The following PTPRK variants were observed in gnomAD, a reference collection of about 807,000 sequenced individuals.
The protein encoded by PTPRK is receptor-type tyrosine-protein phosphatase kappa.
PTPRK carries 75 observed loss-of-function variants against 178.0 expected under a neutral mutation model. The observed-to-expected ratio is 0.42, with a 90% CI of 0.35 to 0.51. PTPRK has a LOEUF of 0.51. PTPRK is among the 20% of genes least tolerant of loss of function. The probability of loss-of-function intolerance (pLI) is 0.02; values close to 1 mark genes in which losing one functional copy is unlikely to be tolerated. For synonymous variants in PTPRK, 637 were observed against 620.6 expected, an observed-to-expected ratio of 1.03 and a Z score of -0.39; for missense variants, 1,441 against 1,797.8, an observed-to-expected ratio of 0.80 and a Z score of 3.59.
intron 1 of PTPRK, among the ~76,000 whole-genome samples, chr6:128,411,701 C>T (rs1339193): frequency 0.28 from 42,407 of 152,128 alleles, 11,671 homozygotes; most frequent in African/African-American, 0.71. Flanking sequence ...AAGCCAATAG[C>T]TATTTTTAAA....
chr6:128,183,149 G>C (rs1287148720), intron 7 of PTPRK, among the ~76,000 whole-genome samples: 2 of 152,104 alleles, frequency 1.3e-5, no homozygotes, highest in East Asian at 3.9e-4. Context: ...TTTTGGAATA[G>C]AGAGTGAACT....
At chr6:128,007,312 C>A (rs1007658234) in intron 14 of PTPRK, among the ~76,000 whole-genome samples, 14 of 150,658 alleles carry the variant, frequency 9.3e-5, no homozygotes, top group African/African-American at 3.4e-4. Context: ...AATAATGAAA[C>A]CTGGTCTATC....
At chr6:128,047,814 C>T (rs1262019730) in intron 13 of PTPRK, among the ~76,000 whole-genome samples, 1 of 151,840 alleles carries the variant, frequency 6.6e-6, no homozygotes, top group Non-Finnish European at 1.5e-5. Flanking sequence ...AACAGATTAC[C>T]TACTAGTAGT....
intron 1 of PTPRK, among the ~76,000 whole-genome samples, chr6:128,398,510 A>T (rs1260693141): frequency 6.6e-6 from 1 of 152,248 alleles, no homozygotes; most frequent in Non-Finnish European, 1.5e-5. Flanking sequence ...TTTAGTGGTG[A>T]GAAGTAGAGG....
intron 11 of PTPRK, among the ~76,000 whole-genome samples, chr6:128,074,615 G>A (rs1783441961): frequency 6.6e-6 from 1 of 152,016 alleles, no homozygotes; most frequent in Admixed American, 6.6e-5. Flanking sequence ...AAGTTGGTAA[G>A]GAGATTCAAA....
Position 128,397,680 on chromosome 6 carries a change from T to C in PTPRK, c.109A>G (p.Thr37Ala), listed in dbSNP as rs1300361619. The change falls in exon 2 of 30, where the codon ACT becomes GCT. Residue 37 changes from threonine (T) to alanine (A), a missense_variant. This residue lies in a region of PTPRK where 158 missense variants were observed against 188.0 expected (regional missense o/e 0.84). Coordinates refer to ENST00000368226, the MANE Select transcript of PTPRK (RefSeq NM_002844.4). ...CAGGCCCCTGGACCATCATCAAAAGTACAGCCACCTAGGAGAAAAGAAGAC... is the reference window on the plus strand; with the variant it reads ...CAGGCCCCTGGACCATCATCAAAAGCACAGCCACCTAGGAGAAAAGAAGAC... ...AQGQFSAGGC[T>A]FDDGPGACDY... The C allele has an allele frequency of 1.9e-6, 3 of 1,613,374 alleles. No individual in the cohort carries two copies. Among genetic ancestry groups the C allele is most frequent in the Non-Finnish European group, 2.5e-6 (3 of 1,179,396 alleles).
At chr6:128,406,190 C>T (rs1243613753) in intron 1 of PTPRK, among the ~76,000 whole-genome samples, 1 of 151,850 alleles carries the variant, frequency 6.6e-6, no homozygotes, top group Non-Finnish European at 1.5e-5. Context: ...GAGGTCAAGG[C>T]TGCAGTAAGC....
At chr6:128,296,748 C>T (rs940029935) in intron 3 of PTPRK, among the ~76,000 whole-genome samples, 28 of 152,170 alleles carry the variant, frequency 1.8e-4, no homozygotes, top group East Asian at 5.8e-4. Flanking sequence ...AAGGAACAAC[C>T]GGTACCAGCC....
At chr6:128,478,548 C>A (rs1004530825) in intron 1 of PTPRK, among the ~76,000 whole-genome samples, 1 of 152,032 alleles carries the variant, frequency 6.6e-6, no homozygotes, top group Non-Finnish European at 1.5e-5. Context: ...TAGGCACAGG[C>A]CATTTTGGAT....
intron 3 of PTPRK, among the ~76,000 whole-genome samples, chr6:128,298,062 C>G (rs1439248243): frequency 6.6e-6 from 1 of 151,950 alleles, no homozygotes; most frequent in Non-Finnish European, 1.5e-5. Context: ...TTTATCGATC[C>G]CACAGAAATA....
intron 1 of PTPRK, among the ~76,000 whole-genome samples, chr6:128,511,690 G>A (rs936704462): frequency 2.6e-5 from 4 of 152,198 alleles, no homozygotes; most frequent in African/African-American, 9.6e-5. Context: ...GTTGCAACCA[G>A]TCTGGGTTAC....
At chr6:128,171,772 G>A (rs1419826242) in intron 7 of PTPRK, among the ~76,000 whole-genome samples, 2 of 151,866 alleles carry the variant, frequency 1.3e-5, no homozygotes, top group Non-Finnish European at 2.9e-5. Flanking sequence ...AATTCTGGAT[G>A]AATTTCTTCA....
chr6:128,114,937 T>C (rs1182045383), intron 7 of PTPRK, among the ~76,000 whole-genome samples: 1 of 152,038 alleles, frequency 6.6e-6, no homozygotes, highest in East Asian at 1.9e-4. Flanking sequence ...ACTTTGTTTT[T>C]CTTCAGCCAT....
At chr6:128,132,579 G>GTACT (rs1794421036) in intron 7 of PTPRK, among the ~76,000 whole-genome samples, 1 of 152,180 alleles carries the variant, frequency 6.6e-6, no homozygotes, top group Admixed American at 6.5e-5. Flanking sequence ...AGTCATGTTG[G>GTACT]GCTGTACTGT....
At chr6:128,247,094 G>C (rs76551391) in intron 3 of PTPRK, among the ~76,000 whole-genome samples, 1 of 151,988 alleles carries the variant, frequency 6.6e-6, no homozygotes, top group Non-Finnish European at 1.5e-5. Flanking sequence ...TATTTAACTC[G>C]GGTCTCTGTA....
intron 2 of PTPRK, among the ~76,000 whole-genome samples, chr6:128,358,828 T>G (rs1018014643): frequency 1.3e-5 from 2 of 152,226 alleles, no homozygotes; most frequent in Non-Finnish European, 2.9e-5. Context: ...CTTCAATTTT[T>G]AAGTATCTGC....
intron 1 of PTPRK, among the ~76,000 whole-genome samples, chr6:128,435,046 CAGGAAGGAAGGA>C (rs759976402): frequency 0.025 from 1,774 of 72,318 alleles, 33 homozygotes; most frequent in East Asian, 0.078. Context: ...GGCAGGAAGG[CAGGAAGGAAGGA>C]AGGAAGGAAG....
intron 2 of PTPRK, among the ~76,000 whole-genome samples, chr6:128,329,442 G>A (rs1829994075): frequency 6.6e-6 from 1 of 150,818 alleles, no homozygotes; most frequent in African/African-American, 2.4e-5. Context: ...ATATGATTGT[G>A]GAAGCTGAGA....
intron 2 of PTPRK, among the ~76,000 whole-genome samples, chr6:128,376,291 T>G (rs1367522565): frequency 2.6e-5 from 4 of 152,272 alleles, no homozygotes; most frequent in Middle Eastern, 3.4e-3. Flanking sequence ...AACTGGAGGT[T>G]CCCAAACTTT....
Sources: allele counts gnomAD v4.1 joint callset (sites outside exome capture counted in the v4.1 genomes callset), GRCh38; gene constraint gnomAD v4.1.1; regional missense constraint gnomAD v4.1.1; transcripts MANE v1.5; gene names NCBI Gene and HGNC (gene_info 2026-07-23, HGNC 2026-07-21).